Variants in NCBP1 observed in about 807,000 individuals in gnomAD.
NCBP1 encodes nuclear cap-binding protein subunit 1.
A neutral mutation model predicts 111.7 loss-of-function variants in NCBP1; 16 were observed. That is an observed-to-expected ratio of 0.14 (90% CI 0.10 to 0.22). The LOEUF is 0.22. Ranked by LOEUF, NCBP1 falls within the 10% of genes least tolerant of loss-of-function variation. The probability of loss-of-function intolerance (pLI) is 1.00; values close to 1 mark genes in which losing one functional copy is unlikely to be tolerated. For missense variants in NCBP1, 607 were observed against 957.5 expected, an observed-to-expected ratio of 0.63 and a Z score of 4.83; for synonymous variants, 304 against 314.3, an observed-to-expected ratio of 0.97 and a Z score of 0.35.
At chr9:97,648,817 C>T (rs539049624) in intron 8 of NCBP1, among the ~76,000 whole-genome samples, 3 of 152,248 alleles carry the variant, frequency 2.0e-5, no homozygotes, top group African/African-American at 7.2e-5. Flanking sequence ...TCAAGCGATC[C>T]TTCCACTTCA....
At chr9:97,636,137 T>C (rs1463326768) in intron 1 of NCBP1, 1 of 152,204 alleles carries the variant, frequency 6.6e-6, no homozygotes, top group East Asian at 1.9e-4. Context: ...CAATTCATGT[T>C]TGATAATACA....
At chr9:97,649,888 C>T (rs976184634) in intron 8 of NCBP1, among the ~76,000 whole-genome samples, 3 of 151,974 alleles carry the variant, frequency 2.0e-5, no homozygotes, top group African/African-American at 4.8e-5. Context: ...ACTCCCAAAA[C>T]GAACAGGATT....
At chr9:97,636,904 G>A (rs922828969) in intron 1 of NCBP1, among the ~76,000 whole-genome samples, 1 of 151,998 alleles carries the variant, frequency 6.6e-6, no homozygotes. Flanking sequence ...ATTAGAGAAG[G>A]CTTCGGTGTG....
intron 8 of NCBP1, among the ~76,000 whole-genome samples, chr9:97,648,843 G>A (rs1209990249): frequency 1.3e-5 from 2 of 152,112 alleles, no homozygotes; most frequent in African/African-American, 2.4e-5. Flanking sequence ...CTGAGTAGCT[G>A]GGACCACAGG....
At chr9:97,665,555 T>C (rs1023283775) in intron 19 of NCBP1, among the ~76,000 whole-genome samples, 1 of 152,220 alleles carries the variant, frequency 6.6e-6, no homozygotes, top group Non-Finnish European at 1.5e-5. Context: ...CTGCAAACCT[T>C]TCCCTGACTA....
intron 16 of NCBP1, 74 bp from the exon 17 acceptor site, chr9:97,661,967 AT>A (rs1238699453): frequency 1.0e-6 from 1 of 992,910 alleles, no homozygotes; most frequent in Admixed American, 1.9e-5. Context: ...GCAACCATCT[AT>A]TTAGCATTTG....
At chr9:97,665,418 T>C (rs1039665839) in intron 19 of NCBP1, among the ~76,000 whole-genome samples, 1 of 152,170 alleles carries the variant, frequency 6.6e-6, no homozygotes, top group Non-Finnish European at 1.5e-5. Context: ...TGTCACAGAG[T>C]GCTTTATCCT....
chr9:97,644,232 A>G (rs781224860), intron 4 of NCBP1, among the ~76,000 whole-genome samples: 3 of 152,196 alleles, frequency 2.0e-5, no homozygotes, highest in Non-Finnish European at 4.4e-5. Context: ...CTATAGGATT[A>G]AAGTCCAGAC....
In NCBP1 at chr9:97,663,038, C is replaced by A. The variant is rs200307901; in HGVS notation, c.1788C>A (p.Asn596Lys). ...VLRVMFEVWR[N>K]HPQMIAVLVD... ...GAGTTATGTTTGAGGTCTGGAGGAA[C>A]CATCCACAGGTAAAAATTATTTAAT... is the stretch of plus-strand genomic sequence containing the variant. Residue 596 changes from asparagine to lysine, a missense_variant, in exon 18 of 23, where the codon AAC becomes AAA. Transcript: ENST00000375147. 85 of 1,608,402 alleles carry A rather than the reference C, an allele frequency of 5.3e-5. No individual in the cohort carries two copies. The East Asian group carries it at 8.5e-4, about 16-fold the overall frequency.
At chr9:97,641,125 C>A (rs1339548618) in intron 2 of NCBP1, among the ~76,000 whole-genome samples, 1 of 152,020 alleles carries the variant, frequency 6.6e-6, no homozygotes, top group Non-Finnish European at 1.5e-5. Flanking sequence ...AGGGTATAGA[C>A]CCCTTAATTT....
At position 97,671,433 on chromosome 9, in the gene NCBP1, C is replaced by G. The variant is rs1211874957; in HGVS notation, c.*234C>G. 2 of 413,524 alleles carry G rather than the reference C, an allele frequency of 4.8e-6. No individual in the cohort carries two copies. The highest frequency in any genetic ancestry group is 4.4e-5 in the East Asian group (1 of 22,488). 25.6% of individuals were successfully genotyped at this position (413,524 alleles called of 1,614,324 possible). A position where few individuals can be genotyped will look rare whatever the true frequency, so the allele number is the denominator to read the frequency against. On this transcript the variant is annotated 3_prime_UTR_variant, in exon 23 of 23. Coordinates refer to ENST00000375147, the MANE Select transcript of NCBP1 (RefSeq NM_002486.5). ...TGATATATTATATATGTGACAGATA[C>G]AAATTCTCTGTGATCAGTTTGTTAT...
intron 14 of NCBP1, among the ~76,000 whole-genome samples, chr9:97,656,495 G>A (rs562319908): frequency 1.2e-3 from 185 of 152,216 alleles, no homozygotes; most frequent in Non-Finnish European, 2.0e-3. Flanking sequence ...AGAGTCCTTT[G>A]AGCCAAGATG....
Position 97,637,145 on chromosome 9 carries a change from T to A in NCBP1, c.34+3230T>A, listed in dbSNP as rs1827066254. Among the ~76,000 whole-genome samples the A allele has an allele frequency of 2.0e-5, 3 of 152,082 alleles. No homozygotes were observed. The South Asian group carries it at 6.2e-4, about 32-fold the overall frequency. On this transcript the variant is annotated intron_variant, in intron 1 of 22. Transcript: ENST00000375147. ...CAGAGGGTTGCATCTTATAGGGAGA[T>A]TATAAAATTATACTTCTGTGTTGAG...
At chr9:97,642,560 C>T (rs956584966) in intron 3 of NCBP1, among the ~76,000 whole-genome samples, 29 of 152,020 alleles carry the variant, frequency 1.9e-4, no homozygotes, top group African/African-American at 7.0e-4. Context: ...AATCCTTTCC[C>T]ATACTTTTAA....
chr9:97,649,287 C>T (rs1471493439), intron 8 of NCBP1, among the ~76,000 whole-genome samples: 1 of 152,032 alleles, frequency 6.6e-6, no homozygotes, highest in Non-Finnish European at 1.5e-5. Context: ...ATTGTGGGTA[C>T]TATCCTGTGT....
At chr9:97,637,774 A>G (rs1414425915) in intron 1 of NCBP1, among the ~76,000 whole-genome samples, 5 of 152,072 alleles carry the variant, frequency 3.3e-5, no homozygotes, top group Admixed American at 6.6e-5. Context: ...TTACTTTTCT[A>G]TTTTACAGGG....
intron 4 of NCBP1, among the ~76,000 whole-genome samples, chr9:97,644,430 T>G (rs570482012): frequency 1.3e-5 from 2 of 152,308 alleles, no homozygotes; most frequent in South Asian, 2.1e-4. Flanking sequence ...AGCCTAATTG[T>G]TACCTCCTTT....
intron 1 of NCBP1, among the ~76,000 whole-genome samples, chr9:97,640,548 A>G (rs1218933991): frequency 6.6e-6 from 1 of 152,062 alleles, no homozygotes; most frequent in South Asian, 2.1e-4. Flanking sequence ...GCATAGCTCC[A>G]TGGGCACTAC....
At chr9:97,643,171 G>T (rs1305202135) in intron 3 of NCBP1, 33 bp from the exon 4 acceptor site, 4 of 1,547,280 alleles carry the variant, frequency 2.6e-6, no homozygotes, top group Admixed American at 2.4e-5. Context: ...CATTGTTTTG[G>T]GGTTTTCTTG....
Sources: allele counts gnomAD v4.1 joint callset (sites outside exome capture counted in the v4.1 genomes callset), GRCh38; gene constraint gnomAD v4.1.1; transcripts MANE v1.5; gene names NCBI Gene and HGNC (gene_info 2026-07-23, HGNC 2026-07-21).